ARHGEF16: variants seen among roughly 807,000 people sequenced by gnomAD.
ARHGEF16 encodes the protein Rho guanine nucleotide exchange factor 16, also known as Rho guanine exchange factor (GEF) 16.
ARHGEF16 carries 59 observed loss-of-function variants against 74.1 expected under a neutral mutation model. The observed-to-expected ratio is 0.80, with a 90% CI of 0.65 to 0.99. The LOEUF (loss-of-function observed/expected upper bound fraction) is 0.99, where lower values mean the gene tolerates loss of function less well. ARHGEF16 is among the 50% of genes least tolerant of loss of function. The probability of loss-of-function intolerance (pLI) is 0.00; values close to 1 mark genes in which losing one functional copy is unlikely to be tolerated. For missense variants in ARHGEF16, 948 were observed against 986.6 expected (o/e 0.96, Z 0.52); for synonymous variants, 415 against 412.6 (o/e 1.01, Z -0.07).
chr1:3,471,728 A>C, intron 6 of ARHGEF16: 20 of 1,217,778 alleles, frequency 1.6e-5, no homozygotes, highest in Non-Finnish European at 2.1e-5. Context: ...CTCCTCCCCC[A>C]GCTGGGCCCC....
chr1:3,476,890 G>A (rs1419142058), intron 10 of ARHGEF16, among the ~76,000 whole-genome samples: 3 of 152,098 alleles, frequency 2.0e-5, no homozygotes, highest in African/African-American at 4.8e-5. Context: ...GTGACTTCGC[G>A]CCGCTGTCGC....
At position 3,478,170 on chromosome 1, in the gene ARHGEF16, C is replaced by T. The variant is rs531091473; in HGVS notation, c.1625+144C>T. The T allele has an allele frequency of 6.6e-6, 8 of 1,204,418 alleles. No individual in the cohort carries two copies. The East Asian group carries it at 1.2e-4, about 18-fold the overall frequency. 74.6% of individuals were successfully genotyped at this position (1,204,418 alleles called of 1,614,324 possible). ...CGGCTTCCACTCGGCACATGCTCTA[C>T]GTGACACTCGGGGGCAGGTGGCGCT... On this transcript the variant is annotated intron_variant, in intron 11 of 14. Coordinates refer to ENST00000378378, the MANE Select transcript of ARHGEF16 (RefSeq NM_014448.4).
At chr1:3,455,544 TG>T (rs770757651) in intron 1 of ARHGEF16, among the ~76,000 whole-genome samples, 3 of 152,054 alleles carry the variant, frequency 2.0e-5, no homozygotes, top group African/African-American at 4.8e-5. Context: ...TTTGAGCAGG[TG>T]GGGGGACTGA....
intron 6 of ARHGEF16, chr1:3,472,769 C>T (rs140512116): frequency 0.01 from 3,364 of 326,838 alleles, 44 homozygotes; most frequent in Non-Finnish European, 0.011. Context: ...AATGGGCCCG[C>T]CTTTGGGGAC....
intron 6 of ARHGEF16, among the ~76,000 whole-genome samples, chr1:3,470,453 G>T (rs1006398810): frequency 1.3e-5 from 2 of 151,730 alleles, no homozygotes; most frequent in East Asian, 3.9e-4. Context: ...GCATGGTTGT[G>T]TGTGCGCGGG....
At chr1:3,476,146 G>A (rs1202398645) in intron 10 of ARHGEF16, 84 bp downstream of exon 10, 1 of 1,407,672 alleles carries the variant, frequency 7.1e-7, no homozygotes, top group Non-Finnish European at 9.7e-7. Context: ...TCACACCCCT[G>A]AGCCTGAGGG....
chr1:3,457,145 T>C (rs1347730929), intron 1 of ARHGEF16, among the ~76,000 whole-genome samples: 1 of 152,252 alleles, frequency 6.6e-6, no homozygotes, highest in African/African-American at 2.4e-5. Flanking sequence ...CAAACGGAGC[T>C]GGCTGATGTG....
chr1:3,469,091 C>T (rs537247999), intron 5 of ARHGEF16, among the ~76,000 whole-genome samples, 155 bp downstream of exon 5: 7 of 152,308 alleles, frequency 4.6e-5, no homozygotes, highest in Admixed American at 2.6e-4. Context: ...CACACAGCCC[C>T]GGGCTGTGCT....
At chr1:3,467,389 A>T in intron 4 of ARHGEF16, 52 bp downstream of exon 4, 2 of 1,509,008 alleles carry the variant, frequency 1.3e-6, no homozygotes, top group South Asian at 1.2e-5. Context: ...GAGAAGCCAC[A>T]GTCCCCCTGC....
intron 4 of ARHGEF16, 134 bp downstream of exon 4, chr1:3,467,471 T>A: frequency 1.8e-6 from 2 of 1,120,324 alleles, no homozygotes; most frequent in Middle Eastern, 3.1e-4. Flanking sequence ...TGGGCAGCCT[T>A]CCCAGAAGCC....
chr1:3,480,397 G>A (rs1364702790), intron 14 of ARHGEF16, 51 bp from the exon 15 acceptor site: 1 of 1,604,848 alleles, frequency 6.2e-7, no homozygotes, highest in Non-Finnish European at 8.5e-7. Context: ...AGAGGGGCCG[G>A]GGGACCCACG....
intron 6 of ARHGEF16, chr1:3,471,808 C>T (rs955261854): frequency 1.8e-5 from 19 of 1,084,648 alleles, no homozygotes; most frequent in African/African-American, 1.0e-4. Context: ...GGCTGGTGGG[C>T]GGCTCTCCCA....
chr1:3,476,500 T>C (rs935332228), intron 10 of ARHGEF16, among the ~76,000 whole-genome samples: 4 of 152,104 alleles, frequency 2.6e-5, no homozygotes, highest in African/African-American at 9.7e-5. Context: ...CCAGATTCCA[T>C]GTTTCCCAGT....
chr1:3,455,408 C>G (rs1347907677), intron 1 of ARHGEF16, among the ~76,000 whole-genome samples: 1 of 152,108 alleles, frequency 6.6e-6, no homozygotes, highest in Non-Finnish European at 1.5e-5. Flanking sequence ...CCTGCTTTGT[C>G]TCCCCTGAGA....
chr1:3,471,550 AG>A, intron 6 of ARHGEF16: 2 of 822,050 alleles, frequency 2.4e-6, no homozygotes, highest in Non-Finnish European at 3.0e-6. Flanking sequence ...GGGGAGGGGG[AG>A]GGGTCTGGGA....
At chr1:3,476,121 G>A (rs1639867096) in intron 10 of ARHGEF16, 59 bp downstream of exon 10, 3 of 1,511,032 alleles carry the variant, frequency 2.0e-6, no homozygotes, top group East Asian at 5.0e-5. Flanking sequence ...CCTCCCTGCT[G>A]GCCTGCGTGT....
chr1:3,466,127 C>T, intron 2 of ARHGEF16, 21 bp from the exon 3 acceptor site: 2 of 1,548,240 alleles, frequency 1.3e-6, no homozygotes, highest in Non-Finnish European at 1.7e-6. Context: ...GCTGCGGTTT[C>T]TGTGTCTCTC....
chr1:3,473,670 T>C (rs965571116), intron 8 of ARHGEF16, 148 bp downstream of exon 8: 8 of 1,353,376 alleles, frequency 5.9e-6, no homozygotes, highest in South Asian at 1.3e-5. Context: ...CTAAGATGGC[T>C]TTATTAACCA....
chr1:3,459,581 G>A (rs567507815), intron 1 of ARHGEF16, among the ~76,000 whole-genome samples: 1 of 152,198 alleles, frequency 6.6e-6, no homozygotes, highest in East Asian at 1.9e-4. Context: ...TCCGCCCAGG[G>A]TGAGGCCCAG....
Sources: allele counts gnomAD v4.1 joint callset (sites outside exome capture counted in the v4.1 genomes callset), GRCh38; gene constraint gnomAD v4.1.1; transcripts MANE v1.5; gene names NCBI Gene and HGNC (gene_info 2026-07-23, HGNC 2026-07-21).